TNS2: variants seen among roughly 807,000 people sequenced by gnomAD.
The protein encoded by TNS2 is tensin-2.
Under a neutral mutation model 155.7 loss-of-function variants are expected in TNS2, and 77 were observed. That is an observed-to-expected ratio of 0.49 (90% CI 0.41 to 0.60). The LOEUF (loss-of-function observed/expected upper bound fraction) is 0.60. Among genes scored for constraint, TNS2 ranks in the 20% least tolerant of loss-of-function variants. TNS2 has a pLI of 0.00. For missense variants in TNS2, 1,703 were observed against 1,868.8 expected, an observed-to-expected ratio of 0.91 and a Z score of 1.64; for synonymous variants, 726 against 763.9, an observed-to-expected ratio of 0.95 and a Z score of 0.82.
Position 53,058,556 on chromosome 12 carries a change from T to C in TNS2, c.1226-16T>C, listed in dbSNP as rs756151685. ...ATGGGCCAGGGGCCTGGTTCTTCAC[T>C]GTCCACTCCCCATAGATGAGAGGTT... is the stretch of plus-strand genomic sequence containing the variant. On this transcript the variant is annotated splice_polypyrimidine_tract_variant and intron_variant, in intron 15 of 28. Coordinates refer to ENST00000314250, the MANE Select transcript of TNS2 (RefSeq NM_170754.4). 3.1e-6 allele frequency: 5 copies of C among 1,613,892 alleles called. No homozygotes were observed. In the African/African-American group the frequency reaches 4.0e-5, roughly 13 times the overall value.
intron 25 of TNS2, 192 bp from the exon 26 acceptor site, chr12:53,062,897 G>C: frequency 1.1e-6 from 1 of 922,600 alleles, no homozygotes; most frequent in East Asian, 2.7e-5. Flanking sequence ...GACGATCATG[G>C]GGTGGTAGCA....
At chr12:53,047,850 T>C (rs886682747), upstream of TNS2, among the ~76,000 whole-genome samples, 1 of 152,116 alleles carries the variant, frequency 6.6e-6, no homozygotes, top group African/African-American at 2.4e-5. Context: ...TCCAGACCCT[T>C]CTGGGAACAC....
In TNS2 at chr12:53,052,499, A is replaced by T. The variant is rs765781727; in HGVS notation, c.222+7A>T. The T allele has an allele frequency of 2.7e-5, 44 of 1,613,822 alleles. No homozygotes were observed. The highest frequency in any genetic ancestry group is 3.6e-5 in the Non-Finnish European group (43 of 1,179,816). ...CAGAAAATGTGAAGCAAAGGTGGGT[A>T]TCTGATTCTACCTGATAGGGGGAGA... is the stretch of plus-strand genomic sequence containing the variant. On this transcript the variant is annotated splice_region_variant and intron_variant, in intron 3 of 28. Transcript: ENST00000314250.
chr12:53,055,783 A>C lies in TNS2; in HGVS notation c.699A>C (p.Gly233=). 1 of 1,614,210 alleles carries C rather than the reference A, an allele frequency of 6.2e-7. No individual in the cohort carries two copies. The highest frequency in any genetic ancestry group is 8.5e-7 in the Non-Finnish European group (1 of 1,180,036). The change falls in exon 10 of 29, where the codon GGA becomes GGC. Residue 233 remains glycine, a splice_region_variant and synonymous_variant. Transcript: ENST00000314250. ...ATCCCTGTCTCTCTGTCTGTCAGGGAAACAAGGGCAAGCTTGGGGTCATCG... is the reference window on the plus strand; with the variant it reads ...ATCCCTGTCTCTCTGTCTGTCAGGGCAACAAGGGCAAGCTTGGGGTCATCG... ...PQHVVVLYCK[G]NKGKLGVIVS... is the part of the protein sequence containing the mutation.
upstream of TNS2, among the ~76,000 whole-genome samples, chr12:53,047,927 C>T (rs2121033449): frequency 6.6e-6 from 1 of 152,288 alleles, no homozygotes; most frequent in South Asian, 2.1e-4. Flanking sequence ...CGGCCGGGCT[C>T]CCAGCCTCCC....
upstream of TNS2, among the ~76,000 whole-genome samples, chr12:53,047,886 T>G (rs1194192348): frequency 1.3e-5 from 2 of 152,104 alleles, no homozygotes; most frequent in Non-Finnish European, 2.9e-5. Flanking sequence ...CCTCCCTCGC[T>G]CCTTCCCTGG....
At chr12:53,062,790 G>A (rs1944424861) in intron 25 of TNS2, 93 bp downstream of exon 25, 1 of 1,475,552 alleles carries the variant, frequency 6.8e-7, no homozygotes, top group Admixed American at 1.9e-5. Context: ...CCTTGAGGTG[G>A]GTGAGCCCTG....
chr12:53,058,751 C>A lies in TNS2; in HGVS notation c.1329C>A (p.Asp443Glu). 1 of 1,614,048 alleles carries A rather than the reference C, an allele frequency of 6.2e-7. No individual in the cohort carries two copies. Among genetic ancestry groups the A allele is most frequent in the South Asian group, 1.1e-5 (1 of 91,092 alleles). ...TPRNDPSVSV[D>E]YNTTEPAVRW... ...GGAACGACCCCTCGGTCTCTGTCGA[C>A]TACAACACCACTGAGCCAGCCGTGC... Residue 443 changes from aspartate to glutamate, a missense_variant, in exon 17 of 29, where the codon GAC (aspartate) becomes GAA (glutamate). Asp to Glu is a conservative substitution (Grantham distance 45). Coordinates refer to ENST00000314250, the MANE Select transcript of TNS2 (RefSeq NM_170754.4).
Position 53,063,584 on chromosome 12 carries a change from C to A in TNS2, c.4083C>A (p.Thr1361=). The A allele has an allele frequency of 6.2e-7, 1 of 1,614,118 alleles. No homozygotes were observed. The highest frequency in any genetic ancestry group is 1.1e-5 in the South Asian group (1 of 91,084). ...QDRRWTNPDG[T]TSKIFGFVAK... ...GCAGATGGACCAACCCAGACGGGAC[C>A]ACCTCCAAGTAAGCCTCCCCACGAA... is the stretch of plus-strand genomic sequence containing the variant. Residue 1361 remains threonine (T), a synonymous_variant, in exon 28 of 29, where the codon ACC becomes ACA. Transcript: ENST00000314250. The surrounding 1 kb of genome is among the most constrained non-coding windows in gnomAD (Gnocchi z 5.6).
At chr12:53,047,478 A>AGGGCGCG (rs540859660), upstream of TNS2, among the ~76,000 whole-genome samples, 76,459 of 144,344 alleles carry the variant, frequency 0.53, 23,305 homozygotes, top group Non-Finnish European at 0.71. Context: ...GGAGGTCGAG[A>AGGGCGCG]GGGCGCGGGG....
rs764706357 is a variant in TNS2, at chr12:53,059,842, C to T, written c.2201C>T (p.Pro734Leu). ...CTGCACCCAGTGCGGCCTGGGCACC[C>T]GCTGCCTCTGCTCTTGCCTGCCTGT... ...PLLHPVRPGH[P>L]LPLLLPACGH... Residue 734 changes from proline (P) to leucine (L), a missense_variant, in exon 18 of 29, where the codon CCG becomes CTG. Pro to Leu is a moderately conservative substitution (Grantham distance 98, BLOSUM62 -3). Coordinates refer to ENST00000314250, the MANE Select transcript of TNS2 (RefSeq NM_170754.4). This position sits in a 1 kb window ranked among gnomAD's most constrained non-coding sequence, Gnocchi z 4.7. The T allele has an allele frequency of 5.1e-5, 83 of 1,612,770 alleles. No individual in the cohort carries two copies. The highest frequency in any genetic ancestry group is 1.5e-4 in the African/African-American group (11 of 74,902).
chr12:53,061,852 C>T lies in TNS2; in HGVS notation c.3486C>T (p.Phe1162=). Residue 1162 remains phenylalanine, a synonymous_variant, in exon 22 of 29, where the codon TTC becomes TTT. Coordinates refer to ENST00000314250, the MANE Select transcript of TNS2 (RefSeq NM_170754.4). ...ALLKDKDPGA[F]LIRDSHSFQG... is the part of the protein sequence containing the mutation. ...TGAAGGACAAGGACCCTGGGGCCTT[C>T]CTGATCAGGGACAGTCATTCATTCC... 1 of 1,613,830 alleles carries T rather than the reference C, an allele frequency of 6.2e-7. No homozygotes were observed. The highest frequency in any genetic ancestry group is 1.1e-5 in the South Asian group (1 of 91,070).
intron 15 of TNS2, 52 bp from the exon 16 acceptor site, chr12:53,058,520 G>T (rs1410664355): frequency 6.2e-7 from 1 of 1,612,698 alleles, no homozygotes; most frequent in Non-Finnish European, 8.5e-7. Context: ...AGGCAGGCAG[G>T]AGAGTGTGGT....
In TNS2 at chr12:53,057,780, G is replaced by A; in HGVS notation, c.966G>A (p.Gln322=). The A allele has an allele frequency of 6.2e-7, 1 of 1,614,062 alleles. No individual in the cohort carries two copies. Among genetic ancestry groups the A allele is most frequent in the African/African-American group, 1.3e-5 (1 of 75,016 alleles). The stretch of plus-strand genomic sequence containing the variant: ...TCTCCTCTGCCCCTCCAGGCTTCCA[G>A]CCCTTCCTTAAAATCTACCAGTCCA... ...LPAFEPGTGF[Q]PFLKIYQSMQ... is the part of the protein sequence containing the mutation. Residue 322 remains glutamine (Q), a synonymous_variant, in exon 13 of 29, where the codon CAG becomes CAA. Coordinates refer to ENST00000314250, the MANE Select transcript of TNS2 (RefSeq NM_170754.4).
At position 53,055,824 on chromosome 12, in the gene TNS2, AC is replaced by A. The variant is rs1260198756; in HGVS notation, c.741del (p.Tyr248ThrfsTer50). On this transcript the variant is annotated frameshift_variant, in exon 10 of 29. Coordinates refer to ENST00000314250, the MANE Select transcript of TNS2 (RefSeq NM_170754.4). LOFTEE classifies it high-confidence loss of function. ...GGGGTCATCGTTTCTGCCTACATGCACTACAGCAAGATCTCTGCAGGGTGAG... is the reference window on the plus strand; with the variant it reads ...GGGGTCATCGTTTCTGCCTACATGCATACAGCAAGATCTCTGCAGGGTGAG... ...KLGVIVSAYM[H>X]YSKISAGADQ... The A allele has an allele frequency of 6.2e-7, 1 of 1,614,002 alleles. No homozygotes were observed. Among genetic ancestry groups the A allele is most frequent in the South Asian group, 1.1e-5 (1 of 91,062 alleles).
intron 14 of TNS2, 57 bp from the exon 15 acceptor site, chr12:53,058,259 G>A: frequency 1.2e-6 from 2 of 1,606,540 alleles, no homozygotes; most frequent in Admixed American, 1.7e-5. Flanking sequence ...AGTCCCCAGG[G>A]TGGAAGCGCA....
At chr12:53,056,036 G>A in intron 10 of TNS2, 191 bp downstream of exon 10, 1 of 614,838 alleles carries the variant, frequency 1.6e-6, no homozygotes, top group Non-Finnish European at 2.8e-6. Flanking sequence ...AGTTTCCTGG[G>A]GCAGCCACAA....
rs753149381 is a variant in TNS2, at chr12:53,063,770, C to T, written c.4118C>T (p.Pro1373Leu). 9 of 1,614,190 alleles carry T rather than the reference C, an allele frequency of 5.6e-6. No individual in the cohort carries two copies. In the South Asian group the frequency reaches 6.6e-5, roughly 12 times the overall value. ...ATCTTTGGTTTCGTGGCCAAGAAGC[C>T]GGGAAGCCCCTGGGAGAATGTGTGT... is the stretch of plus-strand genomic sequence containing the variant. ...SKIFGFVAKKPGSPWENVCHL... is the reference protein window; with the variant it reads ...SKIFGFVAKKLGSPWENVCHL... Residue 1373 changes from proline to leucine, a missense_variant, in exon 29 of 29, where the codon CCG becomes CTG. Coordinates refer to ENST00000314250, the MANE Select transcript of TNS2 (RefSeq NM_170754.4). This position sits in a 1 kb window ranked among gnomAD's most constrained non-coding sequence, Gnocchi z 5.6.
chr12:53,054,193 A>G (rs1214099168), intron 6 of TNS2, 77 bp from the exon 7 acceptor site: 1 of 1,601,062 alleles, frequency 6.2e-7, no homozygotes, highest in South Asian at 1.1e-5. Context: ...CTGCTGCCCA[A>G]CAGACAGCCT....
Sources: gnomAD v4.1 joint callset for allele counts (sites outside exome capture counted in the v4.1 genomes callset) on GRCh38, gnomAD v4.1.1 for gene constraint, Gnocchi (gnomAD v3.1) non-coding constraint, MANE v1.5 for transcripts, NCBI Gene and HGNC (gene_info 2026-07-23, HGNC 2026-07-21) for gene names.